Variants in QTRT2 observed in about 807,000 individuals in gnomAD.
QTRT2 encodes the protein queuine tRNA-ribosyltransferase accessory subunit 2.
In QTRT2, 32 loss-of-function variants were observed where a neutral mutation model predicts 44.8. The observed-to-expected ratio is 0.71, with a 90% CI of 0.54 to 0.96. The LOEUF is 0.96. QTRT2 is among the 40% of genes least tolerant of loss of function. The pLI is 0.00. For missense variants in QTRT2, 461 were observed against 503.1 expected (o/e 0.92, Z 0.80); for synonymous variants, 182 against 187.4 (o/e 0.97, Z 0.24).
At chr3:114,063,254 A>C (rs531790424) in intron 2 of QTRT2, among the ~76,000 whole-genome samples, 1 of 152,356 alleles carries the variant, frequency 6.6e-6, no homozygotes, top group South Asian at 2.1e-4. Context: ...AGAGCTACTT[A>C]GATTACAAAA....
rs200269767 is a variant in QTRT2 at position 114,070,823 on chromosome 3, G to A, written c.531G>A (p.Leu177=). The A allele has an allele frequency of 3.1e-6, 5 of 1,613,708 alleles. No individual in the cohort carries two copies. Among genetic ancestry groups the A allele is most frequent in the Non-Finnish European group, 8.5e-7 (1 of 1,179,866 alleles). The change falls in exon 6 of 10, where the codon CTG becomes CTA. Residue 177 remains leucine (L), a synonymous_variant. Coordinates refer to ENST00000281273, the MANE Select transcript of QTRT2 (RefSeq NM_024638.4). ...SLLFLDNCLR[L]QEESEVLQKS... is the part of the protein sequence containing the mutation. Reference sequence around the variant, plus strand: ...TTTTCTTGGATAACTGTCTGCGGCTGCAGGAAGAGTCAGAGGTAAGGCTGT... The same window carrying A: ...TTTTCTTGGATAACTGTCTGCGGCTACAGGAAGAGTCAGAGGTAAGGCTGT...
In QTRT2 at chr3:114,071,739, T is replaced by G. The variant is rs115462334; in HGVS notation, c.546+901T>G. ...CACCTTAAGCCGTAACTGCATCATCTCTTACGTATGTAATTACCTTTGAAT... is the reference window on the plus strand; with the variant it reads ...CACCTTAAGCCGTAACTGCATCATCGCTTACGTATGTAATTACCTTTGAAT... On this transcript the variant is annotated intron_variant, in intron 6 of 9. Coordinates refer to ENST00000281273, the MANE Select transcript of QTRT2 (RefSeq NM_024638.4). Among the ~76,000 whole-genome samples the G allele has an allele frequency of 4.1e-3, 631 of 152,328 alleles. 4 individuals are homozygous for G. The highest frequency in any genetic ancestry group is 0.014 in the African/African-American group (595 of 41,570).
chr3:114,082,207 CACACACACA>C (rs2077175518), intron 8 of QTRT2, among the ~76,000 whole-genome samples: 1 of 3,396 alleles, frequency 2.9e-4, no homozygotes, highest in African/African-American at 3.9e-4. Flanking sequence ...AACCCCACCA[CACACACACA>C]CACACACACA....
chr3:114,077,104 G>A (rs1187008758), intron 7 of QTRT2, 162 bp downstream of exon 7: 1 of 645,738 alleles, frequency 1.5e-6, no homozygotes. Flanking sequence ...ACTGTAAGGG[G>A]AGTTTCCATC....
intron 4 of QTRT2, 22 bp from the exon 5 acceptor site, chr3:114,067,965 G>T (rs2076976032): frequency 1.2e-6 from 2 of 1,610,574 alleles, no homozygotes; most frequent in Non-Finnish European, 1.7e-6. Context: ...ACTTTCAAGG[G>T]TTCTTTTTTG....
chr3:114,081,918 A>C (rs543025502), intron 8 of QTRT2, among the ~76,000 whole-genome samples: 2 of 152,310 alleles, frequency 1.3e-5, no homozygotes, highest in African/African-American at 2.4e-5. Flanking sequence ...TTTGTTCCCA[A>C]AATACCCCTT....
chr3:114,067,964 G>T (rs201532967), intron 4 of QTRT2, 23 bp from the exon 5 acceptor site: 3 of 1,609,750 alleles, frequency 1.9e-6, no homozygotes, highest in Admixed American at 1.7e-5. Flanking sequence ...CACTTTCAAG[G>T]GTTCTTTTTT....
rs112791037 is a variant in QTRT2, at chr3:114,065,392, C to T, written c.135C>T (p.Leu45=). ...CCAAGACTGGCTCCGCCCCACACCT[C>T]ACCCATCACACGCTGCATAATATCC... is the stretch of plus-strand genomic sequence containing the variant. ...LYTKTGSAPH[L]THHTLHNIHG... Residue 45 remains leucine, a synonymous_variant, in exon 3 of 10, where the codon CTC becomes CTT. Coordinates refer to ENST00000281273, the MANE Select transcript of QTRT2 (RefSeq NM_024638.4). The T allele has an allele frequency of 6.2e-5, 100 of 1,614,202 alleles. 1 individual carries two copies. The African/African-American group carries it at 1.2e-3, about 19-fold the overall frequency.
At position 114,085,735 on chromosome 3, in the gene QTRT2, C is replaced by G; in HGVS notation, c.1079C>G (p.Thr360Ser). The change falls in exon 10 of 10, where the codon ACT becomes AGT. Residue 360 changes from threonine (T) to serine (S), a missense_variant. Physicochemically the swap from Thr to Ser is moderately conservative, Grantham distance 58. Transcript: ENST00000281273. ...TCCTGTTACTGCTGTAAGAATCACA[C>G]TCGGGCATACATCCACCATCTGCTG... ...GCSCYCCKNH[T>S]RAYIHHLLVT... is the part of the protein sequence containing the mutation. 6.2e-7 allele frequency: 1 copy of G among 1,614,212 alleles called. No homozygotes were observed. The highest frequency in any genetic ancestry group is 8.5e-7 in the Non-Finnish European group (1 of 1,180,036).
intron 6 of QTRT2, among the ~76,000 whole-genome samples, chr3:114,073,724 C>T (rs1251526898): frequency 6.6e-6 from 1 of 150,780 alleles, no homozygotes; most frequent in Non-Finnish European, 1.5e-5. Context: ...CCTCTCCATA[C>T]CCTTTATTAT....
At chr3:114,071,182 C>T (rs1030606906) in intron 6 of QTRT2, among the ~76,000 whole-genome samples, 26 of 152,074 alleles carry the variant, frequency 1.7e-4, no homozygotes, top group Admixed American at 1.4e-3. Flanking sequence ...CTAGAATATC[C>T]CTCAAACTCA....
intron 4 of QTRT2, among the ~76,000 whole-genome samples, chr3:114,067,017 A>G (rs1039432734): frequency 2.6e-5 from 4 of 152,240 alleles, no homozygotes; most frequent in African/African-American, 7.2e-5. Flanking sequence ...TCTTCTATAC[A>G]CCGCTTTCTC....
chr3:114,076,763 C>T lies in QTRT2; in HGVS notation c.567C>T (p.Ile189=), dbSNP rs1201077226. The change falls in exon 7 of 10, where the codon ATC becomes ATT. Residue 189 remains isoleucine (I), a synonymous_variant. Transcript: ENST00000281273. The part of the protein sequence containing the change: ...EESEVLQKSV[I]IGVIEGGDVM... Reference sequence around the variant, plus strand: ...CTCAGGTTCTTCAGAAGAGTGTGATCATTGGAGTGATTGAAGGTGGAGATG... The same window carrying T: ...CTCAGGTTCTTCAGAAGAGTGTGATTATTGGAGTGATTGAAGGTGGAGATG... The T allele has an allele frequency of 3.1e-6, 5 of 1,614,100 alleles. No individual in the cohort carries two copies. The highest frequency in any genetic ancestry group is 2.2e-5 in the South Asian group (2 of 91,062).
intron 7 of QTRT2, chr3:114,078,812 G>T (rs1388536629): frequency 1.3e-5 from 2 of 152,098 alleles, no homozygotes; most frequent in African/African-American, 4.8e-5. Flanking sequence ...TCAGATTTTG[G>T]AGCATTTTGG....
At chr3:114,082,203 A>AT (rs2077174362) in intron 8 of QTRT2, among the ~76,000 whole-genome samples, 1 of 94,792 alleles carries the variant, frequency 1.1e-5, no homozygotes, top group East Asian at 3.0e-4. Context: ...TGATAACCCC[A>AT]CCACACACAC....
chr3:114,069,728 C>T lies in QTRT2; in HGVS notation c.334-898C>T, dbSNP rs1178573605. ...CATTTGCATGCATGTGTCCTTATGG[C>T]GGAATGATTTATATTGCTCTGGGTA... is the stretch of plus-strand genomic sequence containing the variant. On this transcript the variant is annotated intron_variant, in intron 5 of 9. Coordinates refer to ENST00000281273, the MANE Select transcript of QTRT2 (RefSeq NM_024638.4). 5.3e-5 allele frequency among the ~76,000 whole-genome samples: 8 copies of T among 152,140 alleles called. No individual in the cohort carries two copies. The South Asian group carries it at 1.2e-3, about 24-fold the overall frequency.
rs778189624 is a variant in QTRT2 at position 114,066,259 on chromosome 3, AAAG to A, written c.236_238del (p.Glu79del). 1.9e-6 allele frequency: 3 copies of A among 1,606,140 alleles called. No individual in the cohort carries two copies. Among genetic ancestry groups the A allele is most frequent in the African/African-American group, 2.7e-5 (2 of 74,744 alleles). ...ACATCATGAAGTCTTGACAGAATAT[AAAG>A]AAGGAGTTGGAAAGTTTATAGGTAA... is the stretch of plus-strand genomic sequence containing the variant. On this transcript the variant is annotated inframe_deletion, in exon 4 of 10. Transcript: ENST00000281273.
Position 114,057,011 on chromosome 3 carries a change from G to T in QTRT2, c.-117G>T. The T allele has an allele frequency of 7.0e-7, 1 of 1,423,338 alleles. No homozygotes were observed. The highest frequency in any genetic ancestry group is 3.0e-5 in the Admixed American group (1 of 32,932). 88.2% of individuals were successfully genotyped at this position (1,423,338 alleles called of 1,614,324 possible). Reference sequence around the variant, plus strand: ...CTTCCCTTTTCAGGGTGTCCTGGTGGATTGGTTTCTGTAAGTTCAGATTCT... The same window carrying T: ...CTTCCCTTTTCAGGGTGTCCTGGTGTATTGGTTTCTGTAAGTTCAGATTCT... On this transcript the variant is annotated 5_prime_UTR_variant, in exon 2 of 10. Transcript: ENST00000281273.
In QTRT2 at chr3:114,065,272, T is replaced by G. The variant is rs1007589399; in HGVS notation, c.15T>G (p.Leu5=). The change falls in exon 3 of 10, where the codon CTT becomes CTG. Residue 5 remains leucine, a synonymous_variant. Coordinates refer to ENST00000281273, the MANE Select transcript of QTRT2 (RefSeq NM_024638.4). The part of the protein sequence containing the change: MKLS[L]TKVVNGCRLG... Reference sequence around the variant, plus strand: ...AATCCCTTAGGATGAAGCTGAGTCTTACCAAGGTAGTTAATGGCTGTCGCC... The same window carrying G: ...AATCCCTTAGGATGAAGCTGAGTCTGACCAAGGTAGTTAATGGCTGTCGCC... The G allele has an allele frequency of 6.2e-7, 1 of 1,614,172 alleles. No homozygotes were observed. The highest frequency in any genetic ancestry group is 1.3e-5 in the African/African-American group (1 of 75,054).
Sources: gnomAD v4.1 joint callset for allele counts (sites outside exome capture counted in the v4.1 genomes callset) on GRCh38, gnomAD v4.1.1 for gene constraint, MANE v1.5 for transcripts, NCBI Gene and HGNC (gene_info 2026-07-23, HGNC 2026-07-21) for gene names.